The following DOK6 variants were observed in gnomAD, a reference collection of about 807,000 sequenced individuals.
DOK6 encodes docking protein 6.
In DOK6, 22 loss-of-function variants were observed where a neutral mutation model predicts 44.0. The observed-to-expected ratio is 0.50, with a 90% confidence interval of 0.36 to 0.71. DOK6 has a LOEUF of 0.71. DOK6 is among the 30% of genes least tolerant of loss of function. The pLI is 0.00. For missense variants in DOK6, 340 were observed against 416.4 expected (o/e 0.82, Z 1.60); for synonymous variants, 166 against 145.5 (o/e 1.14, Z -1.01).
intron 5 of DOK6, 110 bp from the exon 6 acceptor site, chr18:69,738,855 G>A (rs1978701709): frequency 7.3e-7 from 1 of 1,378,324 alleles, no homozygotes; most frequent in Non-Finnish European, 9.9e-7. Context: ...ACTAACTCCT[G>A]TGGAGGTCAG....
intron 3 of DOK6, among the ~76,000 whole-genome samples, chr18:69,611,758 TCC>T (rs1984145540): frequency 1.3e-5 from 2 of 152,192 alleles, no homozygotes; most frequent in African/African-American, 4.8e-5. Flanking sequence ...TGTTTACATA[TCC>T]TTTCAATGAC....
At chr18:69,676,457 A>C (rs993758577) in intron 3 of DOK6, among the ~76,000 whole-genome samples, 2 of 152,204 alleles carry the variant, frequency 1.3e-5, no homozygotes, top group African/African-American at 4.8e-5. Flanking sequence ...TAGATCCCAA[A>C]AGTCAAGAAA....
chr18:69,433,833 C>T (rs1978873756), intron 1 of DOK6, among the ~76,000 whole-genome samples: 1 of 152,122 alleles, frequency 6.6e-6, no homozygotes, highest in Non-Finnish European at 1.5e-5. Flanking sequence ...ATAGAAAGAA[C>T]AATGTGCATT....
At chr18:69,503,491 ATTC>A (rs1202119049) in intron 1 of DOK6, among the ~76,000 whole-genome samples, 1 of 152,130 alleles carries the variant, frequency 6.6e-6, no homozygotes, top group Admixed American at 6.6e-5. Flanking sequence ...TGTCTGGTAT[ATTC>A]TTCTATTTTG....
intron 1 of DOK6, among the ~76,000 whole-genome samples, chr18:69,452,290 C>T (rs1409256579): frequency 4.0e-4 from 61 of 150,928 alleles, no homozygotes; most frequent in African/African-American, 1.2e-3. Context: ...AACACCTCTA[C>T]GCAAATAAAC....
rs73456808 is a variant in DOK6, at chr18:69,763,198, A to G, written c.856+5325A>G. The stretch of plus-strand genomic sequence containing the variant: ...ATGTTGTACGAAGTACTTGGCAGCC[A>G]CTGTTTAAAAATCTCTGTCCGTAAG... On this transcript the variant is annotated intron_variant, in intron 7 of 7. Coordinates refer to ENST00000382713, the MANE Select transcript of DOK6 (RefSeq NM_152721.6). Among the ~76,000 whole-genome samples, 732 of 152,330 alleles carry G rather than the reference A, an allele frequency of 4.8e-3. 6 individuals carry two copies. The highest frequency in any genetic ancestry group is 0.016 in the African/African-American group (672 of 41,578).
intron 4 of DOK6, among the ~76,000 whole-genome samples, chr18:69,689,288 T>C (rs1395628258): frequency 6.6e-6 from 1 of 152,190 alleles, no homozygotes; most frequent in Admixed American, 6.5e-5. Flanking sequence ...CAGAACATTA[T>C]ACGTAAGATA....
At chr18:69,407,096 A>C (rs901627080) in intron 1 of DOK6, among the ~76,000 whole-genome samples, 2 of 152,210 alleles carry the variant, frequency 1.3e-5, no homozygotes, top group African/African-American at 4.8e-5. Context: ...AAAATAGTTT[A>C]CTATGAAGCA....
intron 5 of DOK6, among the ~76,000 whole-genome samples, chr18:69,730,283 AT>A: frequency 6.6e-6 from 1 of 152,300 alleles, no homozygotes; most frequent in East Asian, 1.9e-4. Flanking sequence ...TTTCCTCCCT[AT>A]CTACTTGTAT....
At chr18:69,758,007 T>G in intron 7 of DOK6, 134 bp downstream of exon 7, 1 of 744,942 alleles carries the variant, frequency 1.3e-6, no homozygotes, top group Non-Finnish European at 2.3e-6. Flanking sequence ...CTGGCCACAG[T>G]GGGAGCTCTG....
At chr18:69,726,196 C>A (rs1978306153) in intron 5 of DOK6, among the ~76,000 whole-genome samples, 1 of 151,760 alleles carries the variant, frequency 6.6e-6, no homozygotes, top group Non-Finnish European at 1.5e-5. Context: ...CAGATCTTCA[C>A]TCCCCTCTTT....
intron 1 of DOK6, among the ~76,000 whole-genome samples, chr18:69,480,482 A>T (rs937163953): frequency 1.3e-5 from 2 of 152,176 alleles, no homozygotes; most frequent in Non-Finnish European, 2.9e-5. Context: ...AATATTTCTA[A>T]AATATACCTA....
chr18:69,838,959 G>A (rs1405009698), intron 7 of DOK6, among the ~76,000 whole-genome samples: 1 of 141,554 alleles, frequency 7.1e-6, no homozygotes, highest in Non-Finnish European at 1.5e-5. Flanking sequence ...CTAGTCCCTC[G>A]AACTCCTCCC....
intron 1 of DOK6, among the ~76,000 whole-genome samples, chr18:69,439,152 AT>A (rs1214808103): frequency 6.7e-6 from 1 of 149,046 alleles, no homozygotes; most frequent in Non-Finnish European, 1.5e-5. Flanking sequence ...GATCTGTAAT[AT>A]TTCAAAAGGA....
intron 3 of DOK6, among the ~76,000 whole-genome samples, chr18:69,670,225 G>A (rs1248077124): frequency 6.6e-6 from 1 of 152,124 alleles, no homozygotes; most frequent in Non-Finnish European, 1.5e-5. Context: ...AAATGTTTTT[G>A]TAACAGATTT....
intron 5 of DOK6, among the ~76,000 whole-genome samples, chr18:69,699,797 G>T (rs1248571861): frequency 1.3e-5 from 2 of 152,076 alleles, no homozygotes; most frequent in African/African-American, 4.8e-5. Flanking sequence ...TAAAATCTAT[G>T]ATGCACCTTA....
chr18:69,711,360 T>C (rs1986752964), intron 5 of DOK6, among the ~76,000 whole-genome samples: 1 of 152,194 alleles, frequency 6.6e-6, no homozygotes, highest in Non-Finnish European at 1.5e-5. Flanking sequence ...TCAAATAAAA[T>C]CATCCTTAAT....
At chr18:69,599,865 T>C (rs1414218351) in intron 3 of DOK6, among the ~76,000 whole-genome samples, 1 of 152,192 alleles carries the variant, frequency 6.6e-6, no homozygotes, top group Non-Finnish European at 1.5e-5. Flanking sequence ...TGCAAAAGCA[T>C]GGCAGAGCAC....
chr18:69,707,520 A>G (rs1159760091), intron 5 of DOK6, among the ~76,000 whole-genome samples: 1 of 152,094 alleles, frequency 6.6e-6, no homozygotes, highest in Non-Finnish European at 1.5e-5. Flanking sequence ...AGGGCTATTT[A>G]TTCATTTATC....
Sources: gnomAD v4.1 joint callset for allele counts (sites outside exome capture counted in the v4.1 genomes callset) on GRCh38, gnomAD v4.1.1 for gene constraint, MANE v1.5 for transcripts, NCBI Gene and HGNC (gene_info 2026-07-23, HGNC 2026-07-21) for gene names.